The following PHLPP2 variants were observed in gnomAD, a reference collection of about 807,000 sequenced individuals.
PHLPP2 encodes PH domain and leucine rich repeat protein phosphatase 2.
In PHLPP2, 66 loss-of-function variants were observed where a neutral mutation model predicts 124.9. That is an observed-to-expected ratio of 0.53 (90% CI 0.43 to 0.65). The LOEUF is 0.65. Ranked by LOEUF, PHLPP2 falls within the 30% of genes least tolerant of loss-of-function variation. The probability of loss-of-function intolerance (pLI) is 0.00; values close to 1 mark genes in which losing one functional copy is unlikely to be tolerated. For missense variants in PHLPP2, 1,685 were observed against 1,600.4 expected (o/e 1.05, Z -0.90); for synonymous variants, 681 against 624.7 (o/e 1.09, Z -1.34).
chr16:71,674,580 CA>C (rs141347987), intron 9 of PHLPP2, among the ~76,000 whole-genome samples: 51 of 151,588 alleles, frequency 3.4e-4, no homozygotes, highest in African/African-American at 1.2e-3. Context: ...TTTCCTTGCT[CA>C]AAAAAAAGTG....
At chr16:71,672,790 C>T (rs1185147678) in intron 9 of PHLPP2, among the ~76,000 whole-genome samples, 1 of 152,206 alleles carries the variant, frequency 6.6e-6, no homozygotes, top group Non-Finnish European at 1.5e-5. Context: ...TTTCCCTTTC[C>T]AGTCACTTCC....
At chr16:71,700,421 T>TAA (rs573643274) in intron 3 of PHLPP2, among the ~76,000 whole-genome samples, 1 of 140,844 alleles carries the variant, frequency 7.1e-6, no homozygotes, top group South Asian at 2.3e-4. Flanking sequence ...AATAAAAAAT[T>TAA]AAAAAAAAAA....
chr16:71,661,106 G>A (rs1214166367), intron 13 of PHLPP2, among the ~76,000 whole-genome samples: 1 of 137,850 alleles, frequency 7.3e-6, no homozygotes. Flanking sequence ...CCGCTCTGTT[G>A]CCCAGGCTGC....
rs555454763 is a variant in PHLPP2 at position 71,692,754 on chromosome 16, T to C, written c.419-2045A>G. Among the ~76,000 whole-genome samples, 14 of 152,338 alleles carry C rather than the reference T, an allele frequency of 9.2e-5. No individual in the cohort carries two copies. The South Asian group carries it at 2.9e-3, about 32-fold the overall frequency. On this transcript the variant is annotated intron_variant, in intron 3 of 18. Transcript: ENST00000568954. ...CTTCCTGTATAATTTGAATAATCTC[T>C]AGATTACTTATAATATCTAAAACAA...
At chr16:71,682,777 T>C (rs1445749321) in intron 5 of PHLPP2, among the ~76,000 whole-genome samples, 2 of 152,148 alleles carry the variant, frequency 1.3e-5, no homozygotes, top group African/African-American at 4.8e-5. Flanking sequence ...AACTGTAAAA[T>C]AGTCAATAAA....
chr16:71,679,564 G>A (rs556105670), intron 6 of PHLPP2, 29 bp from the exon 7 acceptor site: 3 of 1,595,548 alleles, frequency 1.9e-6, no homozygotes, highest in South Asian at 2.2e-5. Context: ...AATGGGTATT[G>A]CATTTCAATA....
At chr16:71,667,788 T>A (rs1029620816) in intron 11 of PHLPP2, among the ~76,000 whole-genome samples, 1 of 152,222 alleles carries the variant, frequency 6.6e-6, no homozygotes, top group Non-Finnish European at 1.5e-5. Flanking sequence ...TAACTTTGAT[T>A]TGCCTAAGAT....
chr16:71,649,098 A>T lies in PHLPP2; in HGVS notation c.3764T>A (p.Ile1255Asn). 1 of 1,614,098 alleles carries T rather than the reference A, an allele frequency of 6.2e-7. No individual in the cohort carries two copies. The highest frequency in any genetic ancestry group is 8.5e-7 in the Non-Finnish European group (1 of 1,179,994). ...CTTGGGCACTTCTGTGGCCACTTCA[A>T]TGAGGTTCAGGCTGTCCTCTAGGGG... The part of the protein sequence containing the change: ...IVPLEDSLNL[I>N]EVATEVPKRK... Residue 1255 changes from isoleucine (I) to asparagine (N), a missense_variant, in exon 19 of 19, where the codon ATT becomes AAT. Physicochemically the swap from Ile to Asn is moderately radical, Grantham distance 149. Coordinates refer to ENST00000568954, the MANE Select transcript of PHLPP2 (RefSeq NM_015020.3).
intron 9 of PHLPP2, among the ~76,000 whole-genome samples, chr16:71,673,563 C>T (rs184352081): frequency 7.9e-5 from 12 of 152,118 alleles, no homozygotes; most frequent in Admixed American, 2.6e-4. Flanking sequence ...ATTTTGTAAA[C>T]GGAGTAGCAG....
chr16:71,664,173 A>C (rs1596993245), intron 12 of PHLPP2, 74 bp from the exon 13 acceptor site: 10 of 987,780 alleles, frequency 1.0e-5, no homozygotes, highest in South Asian at 2.6e-5. Flanking sequence ...CCATCATGTC[A>C]CCTCAGTATG....
At position 71,664,178 on chromosome 16, in the gene PHLPP2, A is replaced by C. The variant is rs530160502; in HGVS notation, c.1785-79T>G. On this transcript the variant is annotated intron_variant, in intron 12 of 18. Transcript: ENST00000568954. ...TATATAGAAACCATCATGTCACCTC[A>C]GTATGGAATGCTGCCATTCTAAGCT... 7.5e-6 allele frequency: 7 copies of C among 938,666 alleles called. No homozygotes were observed. The Admixed American group carries it at 9.1e-5, about 12-fold the overall frequency. 58.1% of individuals were successfully genotyped at this position (938,666 alleles called of 1,614,324 possible). A position where few individuals can be genotyped will look rare whatever the true frequency, so the allele number is the denominator to read the frequency against.
chr16:71,678,748 A>C lies in PHLPP2; in HGVS notation c.1268+7T>G. 1 of 1,424,442 alleles carries C rather than the reference A, an allele frequency of 7.0e-7. No homozygotes were observed. 88.2% of individuals were successfully genotyped at this position (1,424,442 alleles called of 1,614,324 possible). A position where few individuals can be genotyped will look rare whatever the true frequency, so the allele number is the denominator to read the frequency against. ...TTAAAGGAAGGTGTGGTAAAGAATAACCTTACCTTAAATCCACATGCTTGA... is the reference window on the plus strand; with the variant it reads ...TTAAAGGAAGGTGTGGTAAAGAATACCCTTACCTTAAATCCACATGCTTGA... On this transcript the variant is annotated splice_region_variant and intron_variant, in intron 8 of 18. Coordinates refer to ENST00000568954, the MANE Select transcript of PHLPP2 (RefSeq NM_015020.3).
Position 71,690,689 on chromosome 16 carries a change from G to A in PHLPP2, c.439C>T (p.Arg147Cys), listed in dbSNP as rs762882143. The stretch of plus-strand genomic sequence containing the variant: ...CCAGACAATAGGATTCGATCCAAAC[G>A]ATCCATGTGGCATGGTTTTTCTGAA... Reference protein sequence around the residue: ...FYGEKPCHMDRLDRILLSGIY... With the variant: ...FYGEKPCHMDCLDRILLSGIY... The change falls in exon 4 of 19, where the codon CGT becomes TGT. Residue 147 changes from arginine (R) to cysteine (C), a missense_variant. Arg to Cys is a radical substitution (Grantham distance 180). Coordinates refer to ENST00000568954, the MANE Select transcript of PHLPP2 (RefSeq NM_015020.3). 20 of 1,611,160 alleles carry A rather than the reference G, an allele frequency of 1.2e-5. No homozygotes were observed. The highest frequency in any genetic ancestry group is 8.9e-5 in the East Asian group (4 of 44,876).
At chr16:71,692,822 G>T (rs1043655509) in intron 3 of PHLPP2, among the ~76,000 whole-genome samples, 23 of 151,788 alleles carry the variant, frequency 1.5e-4, no homozygotes, top group Admixed American at 8.5e-4. Flanking sequence ...ATTTTTCTTT[G>T]TTTTTTTATT....
intron 3 of PHLPP2, among the ~76,000 whole-genome samples, chr16:71,700,116 G>C (rs1005922877): frequency 6.6e-6 from 1 of 152,148 alleles, no homozygotes; most frequent in Non-Finnish European, 1.5e-5. Flanking sequence ...TATAGATCCG[G>C]CTGCTCACAG....
rs10500560 is a variant in PHLPP2 at position 71,647,250 on chromosome 16, G to A, written c.*1640C>T. 0.26 allele frequency: 39,668 copies of A among 152,492 alleles called. 5,329 individuals carry two copies. Among genetic ancestry groups the A allele is most frequent in the Non-Finnish European group, 0.3 (20,156 of 67,972 alleles). The allele number at this position is 152,492 out of a possible 1,614,324, so 9.4% of individuals were successfully genotyped here. ...AATTTTCCTAAGCAAATCTTCCAATGGAAAAAGTGACAGAAGTATGAAGAA... is the reference window on the plus strand; with the variant it reads ...AATTTTCCTAAGCAAATCTTCCAATAGAAAAAGTGACAGAAGTATGAAGAA... On this transcript the variant is annotated 3_prime_UTR_variant, in exon 19 of 19. Coordinates refer to ENST00000568954, the MANE Select transcript of PHLPP2 (RefSeq NM_015020.3).
rs774649573 is a variant in PHLPP2, at chr16:71,714,530, A to C, written c.266T>G (p.Leu89Arg). The part of the protein sequence containing the change: ...GEGRESLYLQ[L>R]HGDLVRRLEP... ...ACCTCACCTGACCAGGTCTCCATGA[A>C]GCTGTAAATAAAGACTTTCTCTTCC... Residue 89 changes from leucine to arginine, a missense_variant, in exon 2 of 19, where the codon CTT becomes CGT. By Grantham distance (102) the Leu-to-Arg change is moderately radical. Coordinates refer to ENST00000568954, the MANE Select transcript of PHLPP2 (RefSeq NM_015020.3). 1 of 1,611,102 alleles carries C rather than the reference A, an allele frequency of 6.2e-7. No homozygotes were observed. Among genetic ancestry groups the C allele is most frequent in the Admixed American group, 1.7e-5 (1 of 59,874 alleles).
At chr16:71,650,149 A>G (rs1397476563) in intron 18 of PHLPP2, 105 bp from the exon 19 acceptor site, 6 of 782,010 alleles carry the variant, frequency 7.7e-6, no homozygotes, top group Non-Finnish European at 1.2e-5. Context: ...CAATTTATAT[A>G]TGATTTTTCC....
chr16:71,707,563 C>A (rs2045286282), intron 2 of PHLPP2, among the ~76,000 whole-genome samples: 1 of 152,044 alleles, frequency 6.6e-6, no homozygotes, highest in Admixed American at 6.6e-5. Context: ...AAAGATTCAA[C>A]CAATTATGCC....
Sources: gnomAD v4.1 joint callset for allele counts (sites outside exome capture counted in the v4.1 genomes callset) on GRCh38, gnomAD v4.1.1 for gene constraint, MANE v1.5 for transcripts, NCBI Gene and HGNC (gene_info 2026-07-23, HGNC 2026-07-21) for gene names.